FBXL17: variants seen among roughly 807,000 people sequenced by gnomAD.
FBXL17 encodes F-box and leucine rich repeat protein 17, also known as F-box/LRR-repeat protein 17.
FBXL17 carries 22 observed loss-of-function variants against 66.2 expected under a neutral mutation model. The ratio of observed to expected loss-of-function variants is 0.33; its 90% CI spans 0.24 to 0.47. FBXL17 has a LOEUF of 0.47. FBXL17 is among the 20% of genes least tolerant of loss of function. The probability of loss-of-function intolerance (pLI) is 1.00; values close to 1 mark genes in which losing one functional copy is unlikely to be tolerated. For synonymous variants in FBXL17, 474 were observed against 400.5 expected (o/e 1.18, Z -2.19); for missense variants, 878 against 948.2 (o/e 0.93, Z 0.97).
intron 4 of FBXL17, among the ~76,000 whole-genome samples, chr5:108,315,086 G>C (rs914604934): frequency 2.0e-5 from 3 of 150,666 alleles, no homozygotes; most frequent in Non-Finnish European, 4.5e-5. Context: ...AATTACCAGA[G>C]TTTAAAAAAG....
At chr5:108,009,308 T>TATATATATATATATATATACACAC in intron 7 of FBXL17, among the ~76,000 whole-genome samples, 1 of 42,220 alleles carries the variant, frequency 2.4e-5, no homozygotes, top group African/African-American at 8.8e-5. Context: ...TATACATATA[T>TATATATATATATATATATACACAC]ACATACACAT....
chr5:108,084,049 T>C (rs1748877890), intron 6 of FBXL17, among the ~76,000 whole-genome samples: 1 of 152,218 alleles, frequency 6.6e-6, no homozygotes, highest in African/African-American at 2.4e-5. Flanking sequence ...TAGCAAAGAA[T>C]TTATCTTTCA....
intron 7 of FBXL17, among the ~76,000 whole-genome samples, chr5:107,977,304 G>T (rs1438359229): frequency 1.3e-5 from 2 of 151,958 alleles, no homozygotes; most frequent in African/African-American, 4.8e-5. Flanking sequence ...GTAATTTTCT[G>T]TATTTTCCAA....
At chr5:107,974,464 A>G (rs1401589116) in intron 7 of FBXL17, among the ~76,000 whole-genome samples, 1 of 152,142 alleles carries the variant, frequency 6.6e-6, no homozygotes, top group African/African-American at 2.4e-5. Context: ...TAAGTAGGTA[A>G]GTAAATTTAA....
intron 4 of FBXL17, among the ~76,000 whole-genome samples, chr5:108,308,269 T>C (rs79143478): frequency 0.017 from 2,555 of 152,174 alleles, 83 homozygotes; most frequent in African/African-American, 0.059. Context: ...TAACAAGTAA[T>C]GGTGGTTTTC....
intron 6 of FBXL17, among the ~76,000 whole-genome samples, chr5:108,154,673 GTATATATATACACATA>G (rs1333120694): frequency 1.5e-4 from 20 of 134,234 alleles, no homozygotes; most frequent in African/African-American, 5.0e-4. Context: ...ATATATATGT[GTATATATATACACATA>G]TATATGTATA....
At chr5:108,377,804 G>A (rs1055723238) in intron 1 of FBXL17, among the ~76,000 whole-genome samples, 1 of 152,104 alleles carries the variant, frequency 6.6e-6, no homozygotes, top group Non-Finnish European at 1.5e-5. Context: ...AAACTTAGAT[G>A]GCCTAGATCA....
intron 4 of FBXL17, among the ~76,000 whole-genome samples, chr5:108,232,597 G>A (rs751693835): frequency 2.6e-5 from 4 of 151,234 alleles, no homozygotes; most frequent in Non-Finnish European, 5.9e-5. Context: ...AAAATGTGAA[G>A]AGGCAAGACA....
intron 8 of FBXL17, chr5:107,880,121 GT>G (rs34358973): frequency 0.096 from 19,913 of 207,250 alleles, 1,179 homozygotes; most frequent in South Asian, 0.2. Context: ...GGCTGAGGTG[GT>G]TGCGGCACAA....
intron 6 of FBXL17, among the ~76,000 whole-genome samples, chr5:108,106,161 T>C (rs1277541637): frequency 6.6e-6 from 1 of 152,164 alleles, no homozygotes; most frequent in Non-Finnish European, 1.5e-5. Context: ...CCACAGTCTA[T>C]AGCAGGGAAA....
At chr5:108,102,280 G>A (rs1359669834) in intron 6 of FBXL17, among the ~76,000 whole-genome samples, 2 of 152,134 alleles carry the variant, frequency 1.3e-5, no homozygotes, top group African/African-American at 4.8e-5. Flanking sequence ...TTCCGTATCT[G>A]TTTTCAGTAT....
chr5:108,219,928 C>CTTTTTTTTTTTTT, intron 5 of FBXL17, among the ~76,000 whole-genome samples: 49 of 37,464 alleles, frequency 1.3e-3, no homozygotes, highest in African/African-American at 2.4e-3. Flanking sequence ...TTACTATTTC[C>CTTTTTTTTTTTTT]TTTTTTTTTT....
At chr5:108,074,326 T>C (rs1474119986) in intron 6 of FBXL17, among the ~76,000 whole-genome samples, 2 of 151,094 alleles carry the variant, frequency 1.3e-5, no homozygotes, top group Non-Finnish European at 2.9e-5. Flanking sequence ...TTTTTTTTTT[T>C]TTTAAGGAGC....
intron 4 of FBXL17, among the ~76,000 whole-genome samples, chr5:108,285,441 C>A (rs1166047654): frequency 6.6e-6 from 1 of 151,746 alleles, no homozygotes; most frequent in Non-Finnish European, 1.5e-5. Context: ...TACATTTATT[C>A]TTAAACAATA....
rs1455439916 is a variant in FBXL17, at chr5:108,381,454, G to A, written c.238C>T (p.Pro80Ser). The A allele has an allele frequency of 3.0e-6, 4 of 1,317,438 alleles. No homozygotes were observed. The highest frequency in any genetic ancestry group is 3.8e-6 in the Non-Finnish European group (4 of 1,041,042). The allele number at this position is 1,317,438 out of a possible 1,614,324, so 81.6% of individuals were successfully genotyped here. A position where few individuals can be genotyped will look rare whatever the true frequency, so the allele number is the denominator to read the frequency against. ...APAPAGPEEE[P>S]PLSPPPRDGA... ...TCCCGCGGCGGCGGCGAGAGCGGCG[G>A]CTCCTCCTCTGGGCCGGCGGGGGCG... The change falls in exon 1 of 9, where the codon CCG becomes TCG. Residue 80 changes from proline (P) to serine (S), a missense_variant. Physicochemically the swap from Pro to Ser is moderately conservative, Grantham distance 74. Transcript: ENST00000542267.
intron 6 of FBXL17, among the ~76,000 whole-genome samples, chr5:108,076,416 TAA>T (rs1384477506): frequency 6.6e-6 from 1 of 152,182 alleles, no homozygotes; most frequent in Non-Finnish European, 1.5e-5. Flanking sequence ...TCACTGAAAA[TAA>T]GTGTTATTAA....
intron 7 of FBXL17, among the ~76,000 whole-genome samples, chr5:107,956,262 C>A (rs1358454404): frequency 1.3e-5 from 2 of 152,166 alleles, no homozygotes; most frequent in Non-Finnish European, 2.9e-5. Flanking sequence ...AATTACCTTG[C>A]ACTTGTTAAA....
At chr5:108,122,117 G>T (rs1156278580) in intron 6 of FBXL17, among the ~76,000 whole-genome samples, 4 of 151,852 alleles carry the variant, frequency 2.6e-5, no homozygotes, top group Non-Finnish European at 5.9e-5. Flanking sequence ...TATGTACCAG[G>T]TACTATACTA....
intron 4 of FBXL17, among the ~76,000 whole-genome samples, chr5:108,241,425 C>G (rs891158013): frequency 6.6e-6 from 1 of 151,584 alleles, no homozygotes; most frequent in Non-Finnish European, 1.5e-5. Context: ...AGCTTGAAGA[C>G]AGGCTATTTG....
Sources: allele counts gnomAD v4.1 joint callset (sites outside exome capture counted in the v4.1 genomes callset), GRCh38; gene constraint gnomAD v4.1.1; transcripts MANE v1.5; gene names NCBI Gene and HGNC (gene_info 2026-07-23, HGNC 2026-07-21).